ME2: variants seen among roughly 807,000 people sequenced by gnomAD.
The protein encoded by ME2 is NAD-dependent malic enzyme, mitochondrial.
ME2 carries 60 observed loss-of-function variants against 73.7 expected under a neutral mutation model. The ratio of observed to expected loss-of-function variants is 0.81; its 90% CI spans 0.66 to 1.01. The LOEUF is 1.01. ME2 is among the 50% of genes least tolerant of loss of function. The pLI is 0.00. For missense variants in ME2, 594 were observed against 705.5 expected (o/e 0.84, Z 1.79); for synonymous variants, 199 against 236.9 (o/e 0.84, Z 1.47).
At chr18:50,928,575 G>A (rs886539417) in intron 12 of ME2, among the ~76,000 whole-genome samples, 1 of 152,116 alleles carries the variant, frequency 6.6e-6, no homozygotes, top group African/African-American at 2.4e-5. Flanking sequence ...GGATAGTGTA[G>A]AAAAAGAACT....
chr18:50,922,859 A>G (rs1293015094), intron 10 of ME2, among the ~76,000 whole-genome samples: 6 of 152,188 alleles, frequency 3.9e-5, no homozygotes, highest in Non-Finnish European at 8.8e-5. Flanking sequence ...GATTGATGAT[A>G]GTGTCCTGCT....
At chr18:50,937,595 C>T (rs1325716190) in intron 13 of ME2, among the ~76,000 whole-genome samples, 1 of 151,806 alleles carries the variant, frequency 6.6e-6, no homozygotes, top group Non-Finnish European at 1.5e-5. Context: ...GGGAAAAAAA[C>T]AAGGATAATG....
At chr18:50,927,719 A>C (rs1251966493) in intron 12 of ME2, among the ~76,000 whole-genome samples, 1 of 31,154 alleles carries the variant, frequency 3.2e-5, no homozygotes, top group Admixed American at 5.1e-4. Flanking sequence ...ACCCCAAAAA[A>C]CCATATATAT....
chr18:50,909,565 A>G (rs749682896), intron 3 of ME2, among the ~76,000 whole-genome samples: 5 of 152,166 alleles, frequency 3.3e-5, no homozygotes, highest in East Asian at 1.9e-4. Context: ...AAGCATATCA[A>G]TTGAGTTTGT....
intron 7 of ME2, 70 bp downstream of exon 7, chr18:50,918,283 G>A: frequency 2.0e-6 from 2 of 983,642 alleles, no homozygotes; most frequent in East Asian, 2.6e-5. Flanking sequence ...CCAAAGTTTT[G>A]TTTTGTTTTC....
rs1917899998 is a variant in ME2, at chr18:50,939,654, A to T, written c.1488+14A>T. On this transcript the variant is annotated intron_variant, in intron 14 of 15. Coordinates refer to ENST00000321341, the MANE Select transcript of ME2 (RefSeq NM_002396.5). Reference sequence around the variant, plus strand: ...GAAGCTGCAAAGGTAAATGTTTTAAATGTTGTTTATTTTATAAAGGATGAA... The same window carrying T: ...GAAGCTGCAAAGGTAAATGTTTTAATTGTTGTTTATTTTATAAAGGATGAA... 2 of 1,561,238 alleles carry T rather than the reference A, an allele frequency of 1.3e-6. No individual in the cohort carries two copies. Among genetic ancestry groups the T allele is most frequent in the East Asian group, 4.5e-5 (2 of 44,514 alleles).
intron 2 of ME2, among the ~76,000 whole-genome samples, chr18:50,897,785 G>A (rs190702781): frequency 3.9e-4 from 59 of 152,210 alleles, no homozygotes; most frequent in Middle Eastern, 3.4e-3. Flanking sequence ...GTTTGAACCC[G>A]GAAGTGGAGA....
intron 12 of ME2, among the ~76,000 whole-genome samples, chr18:50,927,721 C>T (rs1193613184): frequency 2.3e-5 from 2 of 85,434 alleles, no homozygotes; most frequent in African/African-American, 4.7e-5. Context: ...CCCAAAAAAC[C>T]ATATATATAT....
At chr18:50,943,600 A>G (rs2144273380) in intron 15 of ME2, among the ~76,000 whole-genome samples, 1 of 152,248 alleles carries the variant, frequency 6.6e-6, no homozygotes, top group Non-Finnish European at 1.5e-5. Context: ...CACTGTGGCC[A>G]GCTTTGACTA....
intron 2 of ME2, among the ~76,000 whole-genome samples, chr18:50,899,604 CCT>C (rs1334440040): frequency 1.3e-5 from 2 of 152,030 alleles, no homozygotes; most frequent in South Asian, 2.1e-4. Context: ...AGAGTGAGCC[CCT>C]GTCTCAAAAA....
intron 2 of ME2, among the ~76,000 whole-genome samples, chr18:50,899,718 G>A (rs189959070): frequency 1.3e-4 from 20 of 152,194 alleles, no homozygotes; most frequent in Admixed American, 1.3e-3. Flanking sequence ...CACCACACTG[G>A]GTGAGTTACT....
rs1918196930 is a variant in ME2, at chr18:50,950,466, G to GCTTTTTTTT, written c.*3283_*3291dup. 1.3e-5 allele frequency: 1 copy of GCTTTTTTTT among 74,342 alleles called. No homozygotes were observed. The highest frequency in any genetic ancestry group is 1.6e-4 in the Admixed American group (1 of 6,202). The allele number at this position is 74,342 out of a possible 1,614,324, so 4.6% of individuals were successfully genotyped here. A position where few individuals can be genotyped will look rare whatever the true frequency, so the allele number is the denominator to read the frequency against. ...GGCCTGGGGTGGGGCCTCAGATTCT[G>GCTTTTTTTT]CTTTTTTTTTTTTTTTTTTTTTTTT... On this transcript the variant is annotated 3_prime_UTR_variant, in exon 16 of 16. Coordinates refer to ENST00000321341, the MANE Select transcript of ME2 (RefSeq NM_002396.5).
At position 50,939,643 on chromosome 18, in the gene ME2, A is replaced by G; in HGVS notation, c.1488+3A>G. The G allele has an allele frequency of 6.3e-7, 1 of 1,577,530 alleles. No homozygotes were observed. Among genetic ancestry groups the G allele is most frequent in the Non-Finnish European group, 8.7e-7 (1 of 1,147,394 alleles). On this transcript the variant is annotated splice_donor_region_variant and intron_variant, in intron 14 of 15. Coordinates refer to ENST00000321341, the MANE Select transcript of ME2 (RefSeq NM_002396.5). ...GTGTTTTCCTAGAAGCTGCAAAGGT[A>G]AATGTTTTAAATGTTGTTTATTTTA...
At position 50,924,092 on chromosome 18, in the gene ME2, AT is replaced by A. The variant is rs1568170335; in HGVS notation, c.1057-3del. ...AAAAAATACTGTATTTTATCTCAAA[AT>A]TTAGGGACGGAAAGCAAAAATAGAT... On this transcript the variant is annotated splice_region_variant and splice_polypyrimidine_tract_variant and intron_variant, in intron 10 of 15. Coordinates refer to ENST00000321341, the MANE Select transcript of ME2 (RefSeq NM_002396.5). 6.3e-7 allele frequency: 1 copy of A among 1,591,620 alleles called. No homozygotes were observed. The highest frequency in any genetic ancestry group is 1.3e-5 in the African/African-American group (1 of 74,278).
Position 50,918,162 on chromosome 18 carries a change from C to T in ME2, c.683C>T (p.Thr228Ile). ...GGCTTGTACCAGAAACGAGATCGCA[C>T]ACAACAGTATGATGACCTGATTGAT... Reference protein sequence around the residue: ...YMGLYQKRDRTQQYDDLIDEF... With the variant: ...YMGLYQKRDRIQQYDDLIDEF... The change falls in exon 7 of 16, where the codon ACA (threonine) becomes ATA (isoleucine). Residue 228 changes from threonine to isoleucine, a missense_variant. By Grantham distance (89) the Thr-to-Ile change is moderately conservative. Coordinates refer to ENST00000321341, the MANE Select transcript of ME2 (RefSeq NM_002396.5). 1.2e-6 allele frequency: 2 copies of T among 1,610,516 alleles called. No homozygotes were observed. Among genetic ancestry groups the T allele is most frequent in the South Asian group, 1.1e-5 (1 of 90,626 alleles).
chr18:50,902,677 G>A (rs900039778), intron 2 of ME2, among the ~76,000 whole-genome samples: 5 of 152,300 alleles, frequency 3.3e-5, no homozygotes, highest in South Asian at 2.1e-4. Context: ...GATTACAGGC[G>A]TGAGCCACTG....
At chr18:50,895,975 G>T in intron 2 of ME2, 47 bp downstream of exon 2, 1 of 1,303,672 alleles carries the variant, frequency 7.7e-7, no homozygotes, top group Non-Finnish European at 1.1e-6. Context: ...TCTTATTAAA[G>T]TTTGATATAT....
At chr18:50,927,177 T>A (rs1917572217) in intron 12 of ME2, among the ~76,000 whole-genome samples, 1 of 152,208 alleles carries the variant, frequency 6.6e-6, no homozygotes, top group Non-Finnish European at 1.5e-5. Context: ...AGTTGTAATC[T>A]CCACAATTAC....
intron 14 of ME2, 197 bp from the exon 15 acceptor site, chr18:50,940,091 A>C: frequency 1.8e-6 from 1 of 548,376 alleles, no homozygotes; most frequent in East Asian, 3.1e-5. Context: ...TATAATCAAT[A>C]AGTCTTTAAA....
Sources: gnomAD v4.1 joint callset for allele counts (sites outside exome capture counted in the v4.1 genomes callset) on GRCh38, gnomAD v4.1.1 for gene constraint, MANE v1.5 for transcripts, NCBI Gene and HGNC (gene_info 2026-07-23, HGNC 2026-07-21) for gene names.